Variants in OPCML observed in about 807,000 individuals in gnomAD.
OPCML encodes opioid-binding protein/cell adhesion molecule.
OPCML carries 13 observed loss-of-function variants against 37.8 expected under a neutral mutation model. The observed-to-expected ratio is 0.34, with a 90% CI of 0.22 to 0.55. The LOEUF is 0.55. OPCML is among the 20% of genes least tolerant of loss of function. The pLI is 0.91. For missense variants in OPCML, 341 were observed against 435.6 expected, an observed-to-expected ratio of 0.78 and a Z score of 1.93; for synonymous variants, 176 against 168.8, an observed-to-expected ratio of 1.04 and a Z score of -0.33.
chr11:132,805,840 A>C (rs1045215575), intron 2 of OPCML, among the ~76,000 whole-genome samples: 3 of 152,232 alleles, frequency 2.0e-5, no homozygotes, highest in Non-Finnish European at 4.4e-5. Context: ...AATGATAAAT[A>C]TGTGGGTAAA....
intron 2 of OPCML, among the ~76,000 whole-genome samples, chr11:132,779,828 T>G (rs1242068744): frequency 6.6e-6 from 1 of 152,242 alleles, no homozygotes; most frequent in Non-Finnish European, 1.5e-5. Flanking sequence ...AGATTAAGAT[T>G]TGTTTAATGG....
chr11:132,580,762 C>T (rs894974883), intron 3 of OPCML, among the ~76,000 whole-genome samples: 5 of 152,294 alleles, frequency 3.3e-5, no homozygotes, highest in South Asian at 2.1e-4. Flanking sequence ...CCTTTACTCA[C>T]TTCTCAGTGG....
chr11:132,841,274 T>TA (rs1263780428), intron 2 of OPCML, among the ~76,000 whole-genome samples: 2 of 152,192 alleles, frequency 1.3e-5, no homozygotes, highest in Non-Finnish European at 2.9e-5. Flanking sequence ...TATAATTTCT[T>TA]ACCTAGCACT....
intron 3 of OPCML, among the ~76,000 whole-genome samples, chr11:132,585,826 A>G (rs2096471433): frequency 6.6e-6 from 1 of 152,178 alleles, no homozygotes; most frequent in East Asian, 1.9e-4. Flanking sequence ...TAGTTTTAAG[A>G]CTCAGAATCC....
intron 1 of OPCML, among the ~76,000 whole-genome samples, chr11:132,957,404 G>C (rs61909296): frequency 0.061 from 9,344 of 152,180 alleles, 342 homozygotes; most frequent in African/African-American, 0.1. Flanking sequence ...CACATAATCA[G>C]AGTTCTCCAG....
In OPCML at chr11:132,837,326, G is replaced by GCAAA. The variant is rs148168877; in HGVS notation, c.146+105596_146+105599dup. On this transcript the variant is annotated intron_variant, in intron 2 of 7. Coordinates refer to ENST00000524381, the MANE Select transcript of OPCML (RefSeq NM_001012393.5). ...AAAATTCCATCTCAAAAACAAACAA[G>GCAAA]CAAACAAACAAACAAACAAACAAAA... 4.2e-3 allele frequency among the ~76,000 whole-genome samples: 642 copies of GCAAA among 151,868 alleles called. 5 individuals carry two copies. Among genetic ancestry groups the GCAAA allele is most frequent in the African/African-American group, 0.014 (598 of 41,410 alleles).
intron 2 of OPCML, among the ~76,000 whole-genome samples, chr11:132,774,402 T>C (rs1360734227): frequency 1.3e-5 from 2 of 152,208 alleles, no homozygotes; most frequent in Non-Finnish European, 2.9e-5. Flanking sequence ...GTGTTTTTTT[T>C]CATCGTACAG....
chr11:132,471,652 G>A (rs2509233), intron 4 of OPCML, among the ~76,000 whole-genome samples: 3 of 152,106 alleles, frequency 2.0e-5, no homozygotes, highest in Non-Finnish European at 4.4e-5. Context: ...AAGCTGCAAC[G>A]CTGTAAATGA....
chr11:132,951,125 G>A (rs1170952010), intron 1 of OPCML, among the ~76,000 whole-genome samples: 1 of 152,140 alleles, frequency 6.6e-6, no homozygotes, highest in Non-Finnish European at 1.5e-5. Context: ...CTTTACACAA[G>A]CTCCTTACAT....
chr11:132,678,403 A>G (rs1018012897), intron 2 of OPCML, among the ~76,000 whole-genome samples: 4 of 152,170 alleles, frequency 2.6e-5, no homozygotes, highest in African/African-American at 9.7e-5. Context: ...CTATTTTTCT[A>G]AAGGAGTTGA....
intron 1 of OPCML, among the ~76,000 whole-genome samples, chr11:133,317,472 C>T (rs1943230825): frequency 6.6e-6 from 1 of 152,190 alleles, no homozygotes; most frequent in South Asian, 2.1e-4. Flanking sequence ...TACAAGTTAA[C>T]TTTCATTCAA....
intron 1 of OPCML, among the ~76,000 whole-genome samples, chr11:133,325,023 G>A (rs921701673): frequency 4.6e-5 from 7 of 152,094 alleles, no homozygotes; most frequent in Admixed American, 2.0e-4. Context: ...CAAGTACCAC[G>A]TTCTATATTC....
At chr11:133,520,231 T>C (rs866032686) in intron 1 of OPCML, among the ~76,000 whole-genome samples, 8 of 152,150 alleles carry the variant, frequency 5.3e-5, no homozygotes, top group Middle Eastern at 3.4e-3. Flanking sequence ...TCTTCCCAAG[T>C]GCAGTGTGCG....
At chr11:132,965,364 C>A (rs555891542) in intron 1 of OPCML, among the ~76,000 whole-genome samples, 1 of 151,926 alleles carries the variant, frequency 6.6e-6, no homozygotes, top group African/African-American at 2.4e-5. Context: ...TGTTTTGTGT[C>A]GGGGGGAGAT....
intron 1 of OPCML, among the ~76,000 whole-genome samples, chr11:133,468,865 C>T (rs1947035197): frequency 6.6e-6 from 1 of 151,688 alleles, no homozygotes; most frequent in Non-Finnish European, 1.5e-5. Flanking sequence ...CAGCTCTGCC[C>T]TGCAGGTGAG....
chr11:132,966,917 C>T (rs1946227806), intron 1 of OPCML, among the ~76,000 whole-genome samples: 1 of 151,866 alleles, frequency 6.6e-6, no homozygotes, highest in Admixed American at 6.6e-5. Context: ...AAAGTTCAAC[C>T]TATTTGTATC....
At chr11:132,746,878 G>C (rs1355903673) in intron 2 of OPCML, among the ~76,000 whole-genome samples, 2 of 152,132 alleles carry the variant, frequency 1.3e-5, no homozygotes, top group East Asian at 1.9e-4. Flanking sequence ...TAAGAGCAAG[G>C]CTTGCGAGGC....
Position 132,822,360 on chromosome 11 carries a change from T to C in OPCML, c.146+120566A>G, listed in dbSNP as rs139211715. ...TTTCTTTCCACCATTTGTAAATGCA[T>C]GAATAACTTCTAGAAATAGATGCAA... On this transcript the variant is annotated intron_variant, in intron 2 of 7. Transcript: ENST00000524381. Among the ~76,000 whole-genome samples, 9 of 152,240 alleles carry C rather than the reference T, an allele frequency of 5.9e-5. No individual in the cohort carries two copies. In the East Asian group the frequency reaches 1.5e-3, roughly 26 times the overall value.
intron 1 of OPCML, among the ~76,000 whole-genome samples, chr11:133,231,784 A>T (rs1056140482): frequency 1.3e-5 from 2 of 152,218 alleles, no homozygotes; most frequent in African/African-American, 4.8e-5. Flanking sequence ...GAGACCACAC[A>T]TGTAAAGAAC....
Sources: allele counts gnomAD v4.1 joint callset (sites outside exome capture counted in the v4.1 genomes callset), GRCh38; gene constraint gnomAD v4.1.1; transcripts MANE v1.5; gene names NCBI Gene and HGNC (gene_info 2026-07-23, HGNC 2026-07-21).